The following PCMTD1 variants were observed in gnomAD, a reference collection of about 807,000 sequenced individuals.
PCMTD1 encodes protein-L-isoaspartate O-methyltransferase domain-containing protein 1.
A neutral mutation model predicts 37.6 loss-of-function variants in PCMTD1; 12 were observed. That is an observed-to-expected ratio of 0.32 (90% confidence interval 0.20 to 0.52). The LOEUF is 0.52. Ranked by LOEUF, PCMTD1 falls within the 20% of genes least tolerant of loss-of-function variation. The pLI is 0.97. For missense variants in PCMTD1, 235 were observed against 421.3 expected (o/e 0.56, Z 3.87); for synonymous variants, 117 against 135.8 (o/e 0.86, Z 0.96).
chr8:51,854,880 A>G (rs901542388), intron 2 of PCMTD1, among the ~76,000 whole-genome samples: 1 of 143,180 alleles, frequency 7.0e-6, no homozygotes, highest in South Asian at 2.1e-4. Flanking sequence ...ACTTGTCTCA[A>G]AAAAAAAAAA....
intron 1 of PCMTD1, among the ~76,000 whole-genome samples, chr8:51,879,652 C>A (rs1357341780): frequency 6.6e-6 from 1 of 152,068 alleles, no homozygotes; most frequent in African/African-American, 2.4e-5. Context: ...AATAAAATAA[C>A]CAATAAAAAA....
intron 5 of PCMTD1, among the ~76,000 whole-genome samples, chr8:51,822,400 T>C (rs1429292086): frequency 6.6e-6 from 1 of 152,068 alleles, no homozygotes; most frequent in African/African-American, 2.4e-5. Flanking sequence ...TCTAAGGTTT[T>C]GGCCTGAGCA....
chr8:51,886,976 T>C (rs550915295), intron 1 of PCMTD1, among the ~76,000 whole-genome samples: 3 of 151,490 alleles, frequency 2.0e-5, no homozygotes, highest in African/African-American at 7.2e-5. Context: ...TTTTTTTCTC[T>C]CTTGCCTCAT....
At chr8:51,861,719 T>A (rs1162997504) in intron 1 of PCMTD1, among the ~76,000 whole-genome samples, 1 of 150,974 alleles carries the variant, frequency 6.6e-6, no homozygotes. Flanking sequence ...ACCATGTTTT[T>A]TTTTTAATTT....
At chr8:51,875,625 T>TA (rs2038700087) in intron 1 of PCMTD1, among the ~76,000 whole-genome samples, 1 of 152,176 alleles carries the variant, frequency 6.6e-6, no homozygotes, top group Admixed American at 6.5e-5. Flanking sequence ...AAATAAAAAT[T>TA]ACACGTAAGT....
chr8:51,831,219 A>T (rs1478853353), intron 5 of PCMTD1, among the ~76,000 whole-genome samples: 1 of 151,272 alleles, frequency 6.6e-6, no homozygotes, highest in African/African-American at 2.4e-5. Flanking sequence ...AATCGCTTGA[A>T]CCCAGGAGGC....
At chr8:51,841,266 TA>T (rs2038143687) in intron 3 of PCMTD1, among the ~76,000 whole-genome samples, 1 of 152,200 alleles carries the variant, frequency 6.6e-6, no homozygotes, top group Admixed American at 6.5e-5. Context: ...TAGGTGCTAT[TA>T]TTTTTTATCA....
chr8:51,820,772 T>C, intron 5 of PCMTD1, 54 bp from the exon 6 acceptor site: 1 of 1,371,654 alleles, frequency 7.3e-7, no homozygotes. Flanking sequence ...AAACATTATC[T>C]ATTGTTTATT....
chr8:51,850,264 C>T (rs1206271560), intron 2 of PCMTD1, among the ~76,000 whole-genome samples: 1 of 152,072 alleles, frequency 6.6e-6, no homozygotes, highest in Non-Finnish European at 1.5e-5. Flanking sequence ...ATAATGTAAT[C>T]GACAAACTGT....
At chr8:51,852,888 G>C (rs1485116927) in intron 2 of PCMTD1, among the ~76,000 whole-genome samples, 1 of 152,170 alleles carries the variant, frequency 6.6e-6, no homozygotes, top group Non-Finnish European at 1.5e-5. Context: ...AAGAGGGCAG[G>C]AAAAGAATTG....
chr8:51,898,689 C>T lies in PCMTD1; in HGVS notation c.-96+241G>A, dbSNP rs1217719071. 5.3e-5 allele frequency among the ~76,000 whole-genome samples: 8 copies of T among 152,060 alleles called. No individual in the cohort carries two copies. The East Asian group carries it at 1.6e-3, about 30-fold the overall frequency. On this transcript the variant is annotated intron_variant, in intron 1 of 5. Transcript: ENST00000522514. ...CCGACCTCCAGGCTTCGCTGGGCCC[C>T]TTTCGACTCCCCGACCTCCCAAGTC... is the stretch of plus-strand genomic sequence containing the variant.
chr8:51,870,954 G>GT (rs1370484582), intron 1 of PCMTD1, among the ~76,000 whole-genome samples: 1 of 152,076 alleles, frequency 6.6e-6, no homozygotes, highest in Non-Finnish European at 1.5e-5. Context: ...GGGATCTCCA[G>GT]TTTCTTTATC....
chr8:51,861,300 TAAC>T (rs2038465864), intron 1 of PCMTD1, 54 bp from the exon 2 acceptor site: 1 of 1,227,198 alleles, frequency 8.1e-7, no homozygotes, highest in South Asian at 1.8e-5. Flanking sequence ...AAAAGCAAAA[TAAC>T]TTGTTTATTA....
intron 4 of PCMTD1, among the ~76,000 whole-genome samples, chr8:51,832,653 C>T (rs1022160293): frequency 2.6e-5 from 4 of 151,880 alleles, no homozygotes; most frequent in Non-Finnish European, 5.9e-5. Flanking sequence ...AAAGGTATAC[C>T]CATTTTCTGA....
At chr8:51,860,194 G>A (rs1489109816) in intron 2 of PCMTD1, among the ~76,000 whole-genome samples, 1 of 152,170 alleles carries the variant, frequency 6.6e-6, no homozygotes, top group Non-Finnish European at 1.5e-5. Context: ...ATAATTGTCT[G>A]TACTTCAAAG....
At chr8:51,878,118 CT>C (rs1379364617) in intron 1 of PCMTD1, among the ~76,000 whole-genome samples, 1 of 152,206 alleles carries the variant, frequency 6.6e-6, no homozygotes, top group African/African-American at 2.4e-5. Flanking sequence ...GCCATTGTGA[CT>C]CTAAGCAAAC....
At chr8:51,893,507 T>A (rs1280959259) in intron 1 of PCMTD1, among the ~76,000 whole-genome samples, 1 of 152,212 alleles carries the variant, frequency 6.6e-6, no homozygotes, top group African/African-American at 2.4e-5. Context: ...GTACTCCATC[T>A]TTCACATCTA....
At chr8:51,847,579 A>C (rs1237856780) in intron 2 of PCMTD1, among the ~76,000 whole-genome samples, 1 of 152,144 alleles carries the variant, frequency 6.6e-6, no homozygotes, top group African/African-American at 2.4e-5. Context: ...CTGAGCCAAG[A>C]TCTTGCCATT....
At chr8:51,854,081 A>G (rs1316517881) in intron 2 of PCMTD1, among the ~76,000 whole-genome samples, 2 of 152,208 alleles carry the variant, frequency 1.3e-5, no homozygotes. Context: ...TCACAAAGAT[A>G]AAACTCAAAA....
Sources: allele counts gnomAD v4.1 joint callset (sites outside exome capture counted in the v4.1 genomes callset), GRCh38; gene constraint gnomAD v4.1.1; transcripts MANE v1.5; gene names NCBI Gene and HGNC (gene_info 2026-07-23, HGNC 2026-07-21).